FILIP1L: variants seen among roughly 807,000 people sequenced by gnomAD.
FILIP1L encodes filamin A-interacting protein 1-like.
Under a neutral mutation model 96.6 loss-of-function variants are expected in FILIP1L, and 55 were observed. The observed-to-expected ratio is 0.57, with a 90% CI of 0.46 to 0.71. The LOEUF is 0.71. Ranked by LOEUF, FILIP1L falls within the 30% of genes least tolerant of loss-of-function variation. The probability of loss-of-function intolerance (pLI) is 0.00; values close to 1 mark genes in which losing one functional copy is unlikely to be tolerated. For missense variants in FILIP1L, 1,304 were observed against 1,321.2 expected (o/e 0.99, Z 0.20); for synonymous variants, 467 against 473.9 (o/e 0.99, Z 0.19).
chr3:100,059,965 T>G (rs1189147880), intron 1 of FILIP1L, among the ~76,000 whole-genome samples: 1 of 150,716 alleles, frequency 6.6e-6, no homozygotes, highest in African/African-American at 2.5e-5. Context: ...CACATATGTA[T>G]GAAATGATTA....
chr3:100,013,214 G>GTGGTGTTGT (rs377072581), intron 1 of FILIP1L, among the ~76,000 whole-genome samples: 21 of 145,522 alleles, frequency 1.4e-4, no homozygotes, highest in East Asian at 2.2e-4. Context: ...GGCCAGTGAG[G>GTGGTGTTGT]TGTTGTTGTT....
chr3:99,954,038 G>T (rs1708251261), intron 1 of FILIP1L, among the ~76,000 whole-genome samples: 1 of 152,368 alleles, frequency 6.6e-6, no homozygotes, highest in Non-Finnish European at 1.5e-5. Flanking sequence ...TGTTGTACAT[G>T]TGACCCTCAA....
At chr3:99,998,363 A>G (rs1347681748) in intron 1 of FILIP1L, among the ~76,000 whole-genome samples, 1 of 152,246 alleles carries the variant, frequency 6.6e-6, no homozygotes, top group Non-Finnish European at 1.5e-5. Flanking sequence ...TGTTTGGTGT[A>G]GCAACCCATC....
intron 1 of FILIP1L, among the ~76,000 whole-genome samples, chr3:100,091,284 C>CAAA (rs570908389): frequency 1.0e-3 from 61 of 59,054 alleles, no homozygotes; most frequent in Non-Finnish European, 1.7e-3. Context: ...GACTCCGTCT[C>CAAA]AAAAAAAAAA....
chr3:99,904,233 T>C (rs1003230134), intron 4 of FILIP1L, among the ~76,000 whole-genome samples: 11 of 152,250 alleles, frequency 7.2e-5, no homozygotes, highest in Non-Finnish European at 4.4e-5. Context: ...ATAGGCCAGA[T>C]TGTTTCACCA....
chr3:100,062,315 G>A (rs1390830960), intron 1 of FILIP1L, among the ~76,000 whole-genome samples: 1 of 151,726 alleles, frequency 6.6e-6, no homozygotes, highest in African/African-American at 2.4e-5. Flanking sequence ...GTTTCACCGT[G>A]TTAGCCAGAA....
intron 1 of FILIP1L, among the ~76,000 whole-genome samples, chr3:100,064,049 T>C (rs1422269983): frequency 2.0e-5 from 3 of 152,310 alleles, no homozygotes; most frequent in South Asian, 2.1e-4. Flanking sequence ...TAGAAGCAGG[T>C]GGAAGAGTTC....
chr3:99,876,110 G>A, intron 4 of FILIP1L: 2 of 986,532 alleles, frequency 2.0e-6, no homozygotes, highest in Non-Finnish European at 2.4e-6. Context: ...GGGCCGGGCC[G>A]GGGCCGCTGT....
intron 1 of FILIP1L, among the ~76,000 whole-genome samples, chr3:99,973,390 T>C (rs1327014700): frequency 6.6e-6 from 1 of 152,242 alleles, no homozygotes; most frequent in Non-Finnish European, 1.5e-5. Context: ...TCTTGTCTCA[T>C]GATCATTAAT....
chr3:100,046,002 G>A (rs1251667963), intron 1 of FILIP1L, among the ~76,000 whole-genome samples: 5 of 152,158 alleles, frequency 3.3e-5, no homozygotes, highest in Non-Finnish European at 7.4e-5. Context: ...GTGGAAAAAT[G>A]GAAACATGTT....
chr3:100,035,708 T>C (rs910685263), intron 1 of FILIP1L, among the ~76,000 whole-genome samples: 4 of 152,242 alleles, frequency 2.6e-5, no homozygotes, highest in Admixed American at 2.6e-4. Flanking sequence ...ATTTCTTGAT[T>C]ACCTTTAAAT....
intron 1 of FILIP1L, among the ~76,000 whole-genome samples, chr3:100,021,244 G>A (rs2064811719): frequency 6.6e-6 from 1 of 152,176 alleles, no homozygotes; most frequent in Non-Finnish European, 1.5e-5. Context: ...TGAATTTCTA[G>A]TGACACCCTA....
At chr3:100,063,610 C>G (rs778753615) in intron 1 of FILIP1L, among the ~76,000 whole-genome samples, 1 of 152,102 alleles carries the variant, frequency 6.6e-6, no homozygotes, top group Non-Finnish European at 1.5e-5. Flanking sequence ...CTTTGGTAGT[C>G]TTTTAAAAGT....
At chr3:100,066,741 C>T (rs1370234799) in intron 1 of FILIP1L, among the ~76,000 whole-genome samples, 1 of 95,184 alleles carries the variant, frequency 1.1e-5, no homozygotes, top group African/African-American at 3.4e-5. Flanking sequence ...CCATTTTAGC[C>T]GGGATGGTCT....
intron 3 of FILIP1L, 52 bp from the exon 4 acceptor site, chr3:99,924,460 T>C (rs959238340): frequency 2.0e-6 from 3 of 1,507,092 alleles, no homozygotes; most frequent in Non-Finnish European, 2.7e-6. Flanking sequence ...TATACTGTTG[T>C]CTTTCACTCT....
intron 1 of FILIP1L, among the ~76,000 whole-genome samples, chr3:99,958,225 A>G (rs1708392980): frequency 1.4e-5 from 2 of 145,676 alleles, no homozygotes; most frequent in South Asian, 2.1e-4. Flanking sequence ...TATTATTATT[A>G]TTATTATTAT....
At position 99,848,865 on chromosome 3, in the gene FILIP1L, C is replaced by G. The variant is rs114299850; in HGVS notation, c.2811G>C (p.Pro937=). 218 of 1,613,958 alleles carry G rather than the reference C, an allele frequency of 1.4e-4. No homozygotes were observed. In the African/African-American group the frequency reaches 2.6e-3, roughly 19 times the overall value. The part of the protein sequence containing the change: ...PHSYTSTAVI[P]NCGTPKQRIT... ...TCCTTTGCTTTGGCGTGCCACAGTT[C>G]GGTATCACTGCAGTACTCGTGTAAG... Residue 937 remains proline (P), a synonymous_variant, in exon 5 of 6, where the codon CCG becomes CCC. Coordinates refer to ENST00000477258, the MANE Select transcript of FILIP1L (RefSeq NM_001387850.1).
At chr3:99,997,789 TAG>T (rs1559719448) in intron 1 of FILIP1L, among the ~76,000 whole-genome samples, 2 of 152,144 alleles carry the variant, frequency 1.3e-5, no homozygotes, top group African/African-American at 4.8e-5. Context: ...CATGAGGTAA[TAG>T]AGTTTTGATT....
intron 1 of FILIP1L, among the ~76,000 whole-genome samples, chr3:100,027,356 A>T (rs2064943791): frequency 6.6e-6 from 1 of 152,154 alleles, no homozygotes; most frequent in Non-Finnish European, 1.5e-5. Flanking sequence ...TTGATGAATG[A>T]ATGAATCTTA....
Sources: allele counts gnomAD v4.1 joint callset (sites outside exome capture counted in the v4.1 genomes callset), GRCh38; gene constraint gnomAD v4.1.1; transcripts MANE v1.5; gene names NCBI Gene and HGNC (gene_info 2026-07-23, HGNC 2026-07-21).